The following NET1 variants were observed in gnomAD, a reference collection of about 807,000 sequenced individuals.
The protein encoded by NET1 is neuroepithelial cell-transforming gene 1 protein.
A neutral mutation model predicts 61.1 loss-of-function variants in NET1; 42 were observed. The ratio of observed to expected loss-of-function variants is 0.69; its 90% CI spans 0.54 to 0.89. The LOEUF (loss-of-function observed/expected upper bound fraction) is 0.89. NET1 is among the 40% of genes least tolerant of loss of function. NET1 has a pLI of 0.00. For missense variants in NET1, 654 were observed against 747.3 expected, an observed-to-expected ratio of 0.88 and a Z score of 1.46; for synonymous variants, 254 against 281.8, an observed-to-expected ratio of 0.90 and a Z score of 0.99.
At position 5,455,411 on chromosome 10, in the gene NET1, T is replaced by G. The variant is rs1832778903; in HGVS notation, c.1197+293T>G. On this transcript the variant is annotated intron_variant, in intron 10 of 11. Coordinates refer to ENST00000355029, the MANE Select transcript of NET1 (RefSeq NM_001047160.3). This position sits in a 1 kb window ranked among gnomAD's most constrained non-coding sequence, Gnocchi z 6.5. ...TTCCATAATGCTTAATAAAAAAGCA[T>G]CCTTCAAAAAAAACTTCTAAGAGTT... is the stretch of plus-strand genomic sequence containing the variant. Among the ~76,000 whole-genome samples, 1 of 152,186 alleles carries G rather than the reference T, an allele frequency of 6.6e-6. No homozygotes were observed. The highest frequency in any genetic ancestry group is 2.4e-5 in the African/African-American group (1 of 41,448).
In NET1 at chr10:5,435,691, G is replaced by A. The variant is rs368888357; in HGVS notation, c.255+6462G>A. ...CATTGTATTACGTATTTGGACTTTG[G>A]ATATCTTATATGAAGAATTTAATTC... On this transcript the variant is annotated intron_variant, in intron 3 of 11. Coordinates refer to ENST00000355029, the MANE Select transcript of NET1 (RefSeq NM_001047160.3). This position sits in a 1 kb window ranked among gnomAD's most constrained non-coding sequence, Gnocchi z 5.0. 9.9e-5 allele frequency among the ~76,000 whole-genome samples: 15 copies of A among 152,058 alleles called. No homozygotes were observed. Among genetic ancestry groups the A allele is most frequent in the East Asian group, 9.6e-4 (5 of 5,202 alleles).
rs1182143236 is a variant in NET1, at chr10:5,427,375, C to CT, written c.195+660dup. On this transcript the variant is annotated intron_variant, in intron 2 of 11. Coordinates refer to ENST00000355029, the MANE Select transcript of NET1 (RefSeq NM_001047160.3). This position sits in a 1 kb window ranked among gnomAD's most constrained non-coding sequence, Gnocchi z 4.1. ...ATGCATAAGTATGATCATATATGTG[C>CT]TTTTTTCCCCTTAGTACAGTCTAAT... Among the ~76,000 whole-genome samples, 1 of 152,020 alleles carries CT rather than the reference C, an allele frequency of 6.6e-6. No individual in the cohort carries two copies. Among genetic ancestry groups the CT allele is most frequent in the Non-Finnish European group, 1.5e-5 (1 of 67,992 alleles).
intron 1 of NET1, among the ~76,000 whole-genome samples, chr10:5,425,310 G>C (rs890730155): frequency 6.6e-6 from 1 of 151,976 alleles, no homozygotes; most frequent in African/African-American, 2.4e-5. Context: ...ATTTAGCTTA[G>C]AAAACTCCAG....
intron 3 of NET1, among the ~76,000 whole-genome samples, chr10:5,434,197 C>G (rs1251755582): frequency 6.6e-6 from 1 of 152,178 alleles, no homozygotes; most frequent in Non-Finnish European, 1.5e-5. Flanking sequence ...CTCTAGAGCT[C>G]CCTCTTGTGT....
Position 5,452,000 on chromosome 10 carries a change from T to C in NET1, c.363+63T>C. The C allele has an allele frequency of 7.8e-7, 1 of 1,280,570 alleles. No homozygotes were observed. The highest frequency in any genetic ancestry group is 1.2e-5 in the South Asian group (1 of 81,480). 79.3% of individuals were successfully genotyped at this position (1,280,570 alleles called of 1,614,324 possible). On this transcript the variant is annotated intron_variant, in intron 4 of 11. Coordinates refer to ENST00000355029, the MANE Select transcript of NET1 (RefSeq NM_001047160.3). This position sits in a 1 kb window ranked among gnomAD's most constrained non-coding sequence, Gnocchi z 6.1. ...CTTTATAGAAGCCTGGAATTTGTAG[T>C]TGTCTTTGAGCTGTACAAACAAGTT...
In NET1 at chr10:5,431,302, G is replaced by A. The variant is rs1438659100; in HGVS notation, c.255+2073G>A. Among the ~76,000 whole-genome samples, 2 of 152,174 alleles carry A rather than the reference G, an allele frequency of 1.3e-5. No individual in the cohort carries two copies. The highest frequency in any genetic ancestry group is 3.8e-4 in the East Asian group (2 of 5,204). Reference sequence around the variant, plus strand: ...ATCTTTTTATAGCCTGAATATTTATGATTGCATCCCCATGGTATCATTGAC... The same window carrying A: ...ATCTTTTTATAGCCTGAATATTTATAATTGCATCCCCATGGTATCATTGAC... On this transcript the variant is annotated intron_variant, in intron 3 of 11. Coordinates refer to ENST00000355029, the MANE Select transcript of NET1 (RefSeq NM_001047160.3). This position sits in a 1 kb window ranked among gnomAD's most constrained non-coding sequence, Gnocchi z 4.9.
At position 5,451,511 on chromosome 10, in the gene NET1, T is replaced by TAAA. The variant is rs201010625; in HGVS notation, c.256-308_256-306dup. On this transcript the variant is annotated intron_variant, in intron 3 of 11. Coordinates refer to ENST00000355029, the MANE Select transcript of NET1 (RefSeq NM_001047160.3). The surrounding 1 kb of genome is among the most constrained non-coding windows in gnomAD (Gnocchi z 6.1). The stretch of plus-strand genomic sequence containing the variant: ...TTTTCATAACAATAAGGCTTTTTTT[T>TAAA]AAAAAAAAAAAAAGTTATTCCCTGC... Among the ~76,000 whole-genome samples, 2 of 147,632 alleles carry TAAA rather than the reference T, an allele frequency of 1.4e-5. No homozygotes were observed. The highest frequency in any genetic ancestry group is 2.5e-5 in the African/African-American group (1 of 40,214).
Position 5,452,236 on chromosome 10 carries a change from GT to G in NET1, c.364-118del, listed in dbSNP as rs1832716349. 1 of 916,676 alleles carries G rather than the reference GT, an allele frequency of 1.1e-6. No individual in the cohort carries two copies. The highest frequency in any genetic ancestry group is 1.7e-5 in the African/African-American group (1 of 59,352). 56.8% of individuals were successfully genotyped at this position (916,676 alleles called of 1,614,324 possible). On this transcript the variant is annotated intron_variant, in intron 4 of 11. Coordinates refer to ENST00000355029, the MANE Select transcript of NET1 (RefSeq NM_001047160.3). This position sits in a 1 kb window ranked among gnomAD's most constrained non-coding sequence, Gnocchi z 4.0. The stretch of plus-strand genomic sequence containing the variant: ...TAGGTGGAAACTTGGATAAATTATT[GT>G]TTTCTGCATTGAGAAATTCTCAGAA...
chr10:5,412,740 A>T lies in NET1; in HGVS notation c.48A>T (p.Arg16=), dbSNP rs1421555689. 6.8e-7 allele frequency: 1 copy of T among 1,481,028 alleles called. No individual in the cohort carries two copies. 91.7% of individuals were successfully genotyped at this position (1,481,028 alleles called of 1,614,324 possible). The change falls in exon 1 of 12, where the codon CGA becomes CGT. Residue 16 remains arginine (R), a synonymous_variant. Coordinates refer to ENST00000355029, the MANE Select transcript of NET1 (RefSeq NM_001047160.3). This position sits in a 1 kb window ranked among gnomAD's most constrained non-coding sequence, Gnocchi z 6.5. ...AAQKQPRPRR[R]SRRASGLSTE... is the part of the protein sequence containing the mutation. ...AGAAGCAGCCTCGACCGCGGAGGCG[A>T]AGCCGCCGGGCCTCTGGGCTCAGCA...
chr10:5,446,811 A>G lies in NET1; in HGVS notation c.256-5019A>G, dbSNP rs780037945. 1 of 1,612,058 alleles carries G rather than the reference A, an allele frequency of 6.2e-7. No individual in the cohort carries two copies. Among genetic ancestry groups the G allele is most frequent in the East Asian group, 2.2e-5 (1 of 44,840 alleles). On this transcript the variant is annotated intron_variant, in intron 3 of 11. Coordinates refer to ENST00000355029, the MANE Select transcript of NET1 (RefSeq NM_001047160.3). The surrounding 1 kb of genome is among the most constrained non-coding windows in gnomAD (Gnocchi z 5.0). ...TGGAGGTCTCCTACCTATTAAAAGG[A>G]CCATACGAGTCCTAGATGTCAATAA...
At position 5,453,676 on chromosome 10, in the gene NET1, C is replaced by G; in HGVS notation, c.768+116C>G. 1.2e-6 allele frequency: 1 copy of G among 857,968 alleles called. No individual in the cohort carries two copies. Among genetic ancestry groups the G allele is most frequent in the South Asian group, 1.6e-5 (1 of 63,866 alleles). The allele number at this position is 857,968 out of a possible 1,614,324, so 53.1% of individuals were successfully genotyped here. On this transcript the variant is annotated intron_variant, in intron 8 of 11. Transcript: ENST00000355029. The surrounding 1 kb of genome is among the most constrained non-coding windows in gnomAD (Gnocchi z 4.9). The stretch of plus-strand genomic sequence containing the variant: ...AACTCTGTTCTACAAACACATAAGG[C>G]GTTAAAACTGAACAAATTTACAGTG...
rs201708667 is a variant in NET1, at chr10:5,443,107, T to C, written c.256-8723T>C. Among the ~76,000 whole-genome samples the C allele has an allele frequency of 1.9e-4, 29 of 152,300 alleles. No individual in the cohort carries two copies. In the East Asian group the frequency reaches 4.6e-3, roughly 24 times the overall value. On this transcript the variant is annotated intron_variant, in intron 3 of 11. Coordinates refer to ENST00000355029, the MANE Select transcript of NET1 (RefSeq NM_001047160.3). The surrounding 1 kb of genome is among the most constrained non-coding windows in gnomAD (Gnocchi z 4.8). ...TTTTAAACTTAGGTCTACTGTTAAC[T>C]TAGGTCACTAACATATACTGAGCAC...
intron 3 of NET1, among the ~76,000 whole-genome samples, chr10:5,436,249 T>TATA (rs1491369503): frequency 0.013 from 94 of 7,068 alleles, 2 homozygotes; most frequent in African/African-American, 0.032. Flanking sequence ...TATATATATA[T>TATA]TTTTTTTTTT....
rs182974994 is a variant in NET1 at position 5,435,381 on chromosome 10, C to T, written c.255+6152C>T. On this transcript the variant is annotated intron_variant, in intron 3 of 11. Transcript: ENST00000355029. This position sits in a 1 kb window ranked among gnomAD's most constrained non-coding sequence, Gnocchi z 5.0. ...TGCTTGGACTTACATCTAAATACAA[C>T]AGTTTTTATGTAATAAGCTAAACAT... Among the ~76,000 whole-genome samples the T allele has an allele frequency of 2.6e-5, 4 of 152,204 alleles. No homozygotes were observed. The highest frequency in any genetic ancestry group is 4.4e-5 in the Non-Finnish European group (3 of 68,012).
rs1172341353 is a variant in NET1 at position 5,435,534 on chromosome 10, C to CAGAT, written c.255+6308_255+6309insTAGA. ...ATAGATAGATAGATAGATAGATAGA[C>CAGAT]AGACAGACAGATAGATAGATAGATA... On this transcript the variant is annotated intron_variant, in intron 3 of 11. Transcript: ENST00000355029. The surrounding 1 kb of genome is among the most constrained non-coding windows in gnomAD (Gnocchi z 5.0). Among the ~76,000 whole-genome samples, 375 of 5,920 alleles carry CAGAT rather than the reference C, an allele frequency of 0.063. 10 individuals are homozygous for CAGAT. Among genetic ancestry groups the CAGAT allele is most frequent in the African/African-American group, 0.083 (345 of 4,144 alleles). 3.9% of individuals were successfully genotyped at this position (5,920 alleles called of 152,430 possible).
chr10:5,458,798 A>C lies in NET1; in HGVS notation c.*1804A>C, dbSNP rs576501852. Among the ~76,000 whole-genome samples the C allele has an allele frequency of 6.6e-6, 1 of 152,236 alleles. No individual in the cohort carries two copies. The highest frequency in any genetic ancestry group is 2.4e-5 in the African/African-American group (1 of 41,454). On this transcript the variant is annotated 3_prime_UTR_variant, in exon 12 of 12. Coordinates refer to ENST00000355029, the MANE Select transcript of NET1 (RefSeq NM_001047160.3). The surrounding 1 kb of genome is among the most constrained non-coding windows in gnomAD (Gnocchi z 4.5). ...TTCTTGTCTTTGGAAATTCACATTC[A>C]TAAGTGTATATTACACCAATGATTG...
rs1327350156 is a variant in NET1, at chr10:5,446,488, C to G, written c.256-5342C>G. The G allele has an allele frequency of 7.8e-6, 7 of 902,256 alleles. No individual in the cohort carries two copies. Among genetic ancestry groups the G allele is most frequent in the African/African-American group, 3.5e-5 (2 of 57,456 alleles). The allele number at this position is 902,256 out of a possible 1,614,324, so 55.9% of individuals were successfully genotyped here. A position where few individuals can be genotyped will look rare whatever the true frequency, so the allele number is the denominator to read the frequency against. ...TCCTCCTGGGCGAAAGCTGAGAGGC[C>G]TAGGTGTGCCCAGCTCTCAGTTAAC... is the stretch of plus-strand genomic sequence containing the variant. On this transcript the variant is annotated intron_variant, in intron 3 of 11. Transcript: ENST00000355029. The surrounding 1 kb of genome is among the most constrained non-coding windows in gnomAD (Gnocchi z 5.0).
At position 5,440,866 on chromosome 10, in the gene NET1, T is replaced by A. The variant is rs117257466; in HGVS notation, c.256-10964T>A. 6.5e-3 allele frequency among the ~76,000 whole-genome samples: 988 copies of A among 152,334 alleles called. 36 individuals are homozygous for A. The East Asian group carries it at 0.11, about 16-fold the overall frequency. On this transcript the variant is annotated intron_variant, in intron 3 of 11. Transcript: ENST00000355029. The surrounding 1 kb of genome is among the most constrained non-coding windows in gnomAD (Gnocchi z 4.1). The stretch of plus-strand genomic sequence containing the variant: ...ATACCTGTAGTCCTTATCACCATTT[T>A]ACTAGTGAGTGAGTCTGTTTCAGAG...
At position 5,421,267 on chromosome 10, in the gene NET1, G is replaced by C. The variant is rs970583769; in HGVS notation, c.129-5388G>C. 6.6e-6 allele frequency among the ~76,000 whole-genome samples: 1 copy of C among 152,050 alleles called. No individual in the cohort carries two copies. Among genetic ancestry groups the C allele is most frequent in the African/African-American group, 2.4e-5 (1 of 41,390 alleles). On this transcript the variant is annotated intron_variant, in intron 1 of 11. Coordinates refer to ENST00000355029, the MANE Select transcript of NET1 (RefSeq NM_001047160.3). This position sits in a 1 kb window ranked among gnomAD's most constrained non-coding sequence, Gnocchi z 4.2. ...TTAAATAATTTTATTTCTGTCTTTCGGGGCCTTAGGGAAAGCCATAGAACT... is the reference window on the plus strand; with the variant it reads ...TTAAATAATTTTATTTCTGTCTTTCCGGGCCTTAGGGAAAGCCATAGAACT...
Sources: gnomAD v4.1 joint callset for allele counts (sites outside exome capture counted in the v4.1 genomes callset) on GRCh38, gnomAD v4.1.1 for gene constraint, Gnocchi (gnomAD v3.1) non-coding constraint, MANE v1.5 for transcripts, NCBI Gene and HGNC (gene_info 2026-07-23, HGNC 2026-07-21) for gene names.